The following ATP13A4 variants were observed in gnomAD, a reference collection of about 807,000 sequenced individuals.
The protein encoded by ATP13A4 is probable cation-transporting ATPase 13A4.
ATP13A4 carries 114 observed loss-of-function variants against 142.5 expected under a neutral mutation model. The ratio of observed to expected loss-of-function variants is 0.80; its 90% CI spans 0.69 to 0.93. The LOEUF (loss-of-function observed/expected upper bound fraction) is 0.93, where lower values mean the gene tolerates loss of function less well. ATP13A4 is among the 40% of genes least tolerant of loss of function. The pLI is 0.00. For missense variants in ATP13A4, 1,392 were observed against 1,454.0 expected (o/e 0.96, Z 0.69); for synonymous variants, 488 against 514.8 (o/e 0.95, Z 0.70).
intron 1 of ATP13A4, among the ~76,000 whole-genome samples, chr3:193,585,045 T>C (rs527775343): frequency 2.7e-4 from 41 of 152,330 alleles, no homozygotes; most frequent in African/African-American, 9.4e-4. Context: ...TCCTGCAGCC[T>C]GCAGGCTGCA....
chr3:193,408,834 C>G (rs1296202614), intron 28 of ATP13A4, among the ~76,000 whole-genome samples: 1 of 152,184 alleles, frequency 6.6e-6, no homozygotes, highest in African/African-American at 2.4e-5. Context: ...CAGTGTGATG[C>G]CTCTCCCCAC....
chr3:193,586,354 A>AT (rs1287660141), intron 1 of ATP13A4, among the ~76,000 whole-genome samples: 1 of 152,138 alleles, frequency 6.6e-6, no homozygotes, highest in East Asian at 1.9e-4. Flanking sequence ...CCAATTAATG[A>AT]TTTTTTAAAA....
chr3:193,477,747 G>C (rs9811125), intron 8 of ATP13A4, among the ~76,000 whole-genome samples: 1 of 151,752 alleles, frequency 6.6e-6, no homozygotes, highest in Non-Finnish European at 1.5e-5. Context: ...GATGAGCATC[G>C]ATGGAGATCT....
In ATP13A4 at chr3:193,462,833, A is replaced by G. The variant is rs760473893; in HGVS notation, c.1462-10T>C. 6.2e-7 allele frequency: 1 copy of G among 1,613,428 alleles called. No homozygotes were observed. On this transcript the variant is annotated splice_polypyrimidine_tract_variant and intron_variant, in intron 12 of 29. Coordinates refer to ENST00000342695, the MANE Select transcript of ATP13A4 (RefSeq NM_032279.4). ...TTGTTAAGGTGCCTGTCTAAACAGA[A>G]ACAAATGCTCCATTTACTCTGAAGA...
At chr3:193,549,119 G>A (rs1162206642) in intron 1 of ATP13A4, among the ~76,000 whole-genome samples, 1 of 152,152 alleles carries the variant, frequency 6.6e-6, no homozygotes, top group African/African-American at 2.4e-5. Flanking sequence ...TCTCAAAAAA[G>A]ACTGCTAATC....
rs1455713661 is a variant in ATP13A4 at position 193,561,905 on chromosome 3, G to A, written n.291+19802C>T. On this transcript the variant is annotated intron_variant and non_coding_transcript_variant, in intron 2 of 3. Transcript: ENST00000489140. ...ACACACCCCTATGAAACACGCAACC[G>A]GACTACCTATGTCTACCATGGGATC... 2.6e-5 allele frequency among the ~76,000 whole-genome samples: 4 copies of A among 152,102 alleles called. No individual in the cohort carries two copies. The East Asian group carries it at 5.8e-4, about 22-fold the overall frequency.
At chr3:193,528,133 T>C (rs903898562) in intron 1 of ATP13A4, among the ~76,000 whole-genome samples, 1 of 152,194 alleles carries the variant, frequency 6.6e-6, no homozygotes, top group Non-Finnish European at 1.5e-5. Context: ...AATTGGTGCA[T>C]GTTGTGCAGA....
At chr3:193,414,795 G>A (rs1399320667) in intron 25 of ATP13A4, 45 bp from the exon 26 acceptor site, 1 of 1,582,838 alleles carries the variant, frequency 6.3e-7, no homozygotes. Context: ...GCAGGAAAAT[G>A]TATTCTTGAT....
chr3:193,466,839 G>T (rs1269404882), intron 10 of ATP13A4, among the ~76,000 whole-genome samples: 1 of 152,054 alleles, frequency 6.6e-6, no homozygotes, highest in Non-Finnish European at 1.5e-5. Context: ...TTTACTAACA[G>T]GCATATGCCA....
At chr3:193,476,193 C>T (rs1718954320) in intron 8 of ATP13A4, among the ~76,000 whole-genome samples, 1 of 151,994 alleles carries the variant, frequency 6.6e-6, no homozygotes, top group Non-Finnish European at 1.5e-5. Flanking sequence ...CAATGACTAA[C>T]ACCATTAAAA....
chr3:193,575,506 G>A (rs1168243463), intron 2 of ATP13A4, among the ~76,000 whole-genome samples: 1 of 152,156 alleles, frequency 6.6e-6, no homozygotes, highest in African/African-American at 2.4e-5. Flanking sequence ...TAGAAATAAG[G>A]GAAGAGCAAT....
chr3:193,460,748 G>C (rs1194379166), intron 13 of ATP13A4, among the ~76,000 whole-genome samples: 1 of 152,168 alleles, frequency 6.6e-6, no homozygotes, highest in South Asian at 2.1e-4. Context: ...TTCTGCATTC[G>C]AGAGGATTGG....
intron 1 of ATP13A4, among the ~76,000 whole-genome samples, chr3:193,549,494 AT>A (rs564128616): frequency 1.3e-5 from 2 of 151,608 alleles, no homozygotes; most frequent in East Asian, 1.9e-4. Flanking sequence ...GGAAAGTCTA[AT>A]TTTTTTTAAA....
At chr3:193,431,021 T>C (rs938226657) in intron 25 of ATP13A4, among the ~76,000 whole-genome samples, 1 of 151,920 alleles carries the variant, frequency 6.6e-6, no homozygotes, top group Non-Finnish European at 1.5e-5. Context: ...AGGGGGGGAA[T>C]CACAGTACGT....
intron 18 of ATP13A4, among the ~76,000 whole-genome samples, chr3:193,445,543 G>A (rs1716897893): frequency 6.6e-6 from 1 of 151,852 alleles, no homozygotes; most frequent in African/African-American, 2.4e-5. Context: ...GATCACCTGA[G>A]GTCAGAAGTT....
intron 1 of ATP13A4, among the ~76,000 whole-genome samples, chr3:193,589,252 G>A (rs1453468367): frequency 3.3e-5 from 5 of 152,024 alleles, no homozygotes; most frequent in African/African-American, 7.2e-5. Context: ...GGGTTCATAG[G>A]AAGTGACTGT....
intron 1 of ATP13A4, among the ~76,000 whole-genome samples, chr3:193,592,637 A>G (rs887583303): frequency 6.6e-6 from 1 of 152,198 alleles, no homozygotes; most frequent in African/African-American, 2.4e-5. Flanking sequence ...CGCCTTTTAT[A>G]AACCACACAA....
At chr3:193,422,480 C>T (rs1715455181) in intron 25 of ATP13A4, among the ~76,000 whole-genome samples, 1 of 149,676 alleles carries the variant, frequency 6.7e-6, no homozygotes, top group South Asian at 2.1e-4. Context: ...TGGTAGTTCA[C>T]AAAACAAGTA....
chr3:193,509,073 A>C (rs1412157388), intron 2 of ATP13A4, among the ~76,000 whole-genome samples: 1 of 152,002 alleles, frequency 6.6e-6, no homozygotes, highest in Non-Finnish European at 1.5e-5. Context: ...AATCCAGCAC[A>C]GTGAGAAAAA....
Sources: allele counts gnomAD v4.1 joint callset (sites outside exome capture counted in the v4.1 genomes callset), GRCh38; gene constraint gnomAD v4.1.1; transcripts MANE v1.5; gene names NCBI Gene and HGNC (gene_info 2026-07-23, HGNC 2026-07-21).